C2orf76: variants seen among roughly 807,000 people sequenced by gnomAD.
C2orf76 encodes chromosome 2 open reading frame 76.
C2orf76 carries 23 observed loss-of-function variants against 16.9 expected under a neutral mutation model. The observed-to-expected ratio is 1.36, with a 90% confidence interval of 0.98 to 1.93. The LOEUF (loss-of-function observed/expected upper bound fraction) is 1.93. Ranked by LOEUF, C2orf76 falls within the 30% of genes most tolerant of loss-of-function variation. The pLI, the probability that C2orf76 is intolerant of heterozygous loss-of-function variation, is 0.00. For missense variants in C2orf76, 152 were observed against 152.6 expected, an observed-to-expected ratio of 1.00 and a Z score of 0.02; for synonymous variants, 48 against 52.3, an observed-to-expected ratio of 0.92 and a Z score of 0.35.
At chr2:119,300,237 T>G (rs900205381), downstream of C2orf76, among the ~76,000 whole-genome samples, 1 of 152,172 alleles carries the variant, frequency 6.6e-6, no homozygotes, top group Non-Finnish European at 1.5e-5. Context: ...CACACCATAT[T>G]TGCCACGGAA....
the C2orf76 span, among the ~76,000 whole-genome samples, chr2:119,288,565 C>G: frequency 3.9e-5 from 6 of 151,998 alleles, no homozygotes; most frequent in Admixed American, 3.9e-4. Context: ...AACATAAACT[C>G]ATGAAGACAA....
At chr2:119,288,601 G>A in the C2orf76 span, among the ~76,000 whole-genome samples, 1 of 152,156 alleles carries the variant, frequency 6.6e-6, no homozygotes, top group Non-Finnish European at 1.5e-5. Flanking sequence ...GGACATCGAG[G>A]ACAAGAGAGT....
At chr2:119,301,706 A>G (rs958959241), downstream of C2orf76, among the ~76,000 whole-genome samples, 7 of 152,152 alleles carry the variant, frequency 4.6e-5, no homozygotes, top group Non-Finnish European at 8.8e-5. Context: ...AACCACAAGT[A>G]TTATATTATT....
chr2:119,338,958 G>A (rs1679938467), intron 2 of C2orf76: 1 of 152,138 alleles, frequency 6.6e-6, no homozygotes, highest in Non-Finnish European at 1.5e-5. Flanking sequence ...AAGTCAATAT[G>A]GCAGATCAGT....
intron 5 of C2orf76, among the ~76,000 whole-genome samples, chr2:119,304,394 T>C (rs1678712014): frequency 6.6e-6 from 1 of 152,236 alleles, no homozygotes; most frequent in Non-Finnish European, 1.5e-5. Flanking sequence ...GAGAAACTAA[T>C]ATGTTGTGTG....
chr2:119,364,041 GAC>G (rs70947281), intron 1 of C2orf76, among the ~76,000 whole-genome samples: 33 of 123,268 alleles, frequency 2.7e-4, no homozygotes, highest in African/African-American at 4.3e-4. Flanking sequence ...GAGAGAGAGA[GAC>G]AGACAGACAG....
chr2:119,311,825 C>A, intron 4 of C2orf76, 122 bp from the exon 5 acceptor site: 1 of 923,360 alleles, frequency 1.1e-6, no homozygotes, highest in South Asian at 1.7e-5. Flanking sequence ...ATTCCACTGC[C>A]CTGGCCGTAA....
chr2:119,285,003 T>C, the C2orf76 span, among the ~76,000 whole-genome samples: 1 of 152,182 alleles, frequency 6.6e-6, no homozygotes, highest in South Asian at 2.1e-4. Flanking sequence ...TGTTCCAGGA[T>C]TGTGGCGGAG....
chr2:119,283,886 AAACTGG>A, the C2orf76 span, among the ~76,000 whole-genome samples: 2 of 152,222 alleles, frequency 1.3e-5, no homozygotes, highest in African/African-American at 4.8e-5. Context: ...TGAATCTTGG[AAACTGG>A]AAAGTCCAGT....
intron 1 of C2orf76, among the ~76,000 whole-genome samples, chr2:119,340,755 TACACAC>T (rs60777590): frequency 0.082 from 11,494 of 140,192 alleles, 522 homozygotes; most frequent in East Asian, 0.12. Flanking sequence ...TGCTTTCTAA[TACACAC>T]ACACACACAC....
chr2:119,316,353 C>A (rs1191935120), intron 4 of C2orf76, among the ~76,000 whole-genome samples: 1 of 152,134 alleles, frequency 6.6e-6, no homozygotes, highest in Non-Finnish European at 1.5e-5. Context: ...ATATACAATC[C>A]TTGGTATAAA....
At chr2:119,294,782 G>A in the C2orf76 span, among the ~76,000 whole-genome samples, 1 of 152,136 alleles carries the variant, frequency 6.6e-6, no homozygotes, top group African/African-American at 2.4e-5. Context: ...GTCAGCACTC[G>A]CCCTCCACCC....
At chr2:119,287,216 T>C in the C2orf76 span, among the ~76,000 whole-genome samples, 1 of 152,218 alleles carries the variant, frequency 6.6e-6, no homozygotes, top group South Asian at 2.1e-4. Flanking sequence ...CTGGCTGTTT[T>C]ATGCCTGGCT....
the C2orf76 span, among the ~76,000 whole-genome samples, chr2:119,284,694 T>TTTC: frequency 5.3e-5 from 8 of 151,796 alleles, no homozygotes; most frequent in African/African-American, 1.7e-4. Flanking sequence ...TTTTTTTTTT[T>TTTC]TGCAACCTAA....
chr2:119,308,867 C>G (rs1460140881), intron 5 of C2orf76, among the ~76,000 whole-genome samples: 2 of 152,112 alleles, frequency 1.3e-5, no homozygotes, highest in Non-Finnish European at 2.9e-5. Context: ...TTGGTCAAAC[C>G]GACCCACAGA....
At chr2:119,342,905 G>C (rs995771339) in intron 1 of C2orf76, among the ~76,000 whole-genome samples, 8 of 152,042 alleles carry the variant, frequency 5.3e-5, no homozygotes, top group African/African-American at 1.9e-4. Context: ...GAGTAGCTGG[G>C]ACTACAGGTA....
downstream of C2orf76, among the ~76,000 whole-genome samples, chr2:119,298,378 C>A (rs115412763): frequency 7.8e-3 from 1,183 of 152,036 alleles, 14 homozygotes; most frequent in African/African-American, 0.027. Context: ...CAAATACTAC[C>A]TTTATTAGCT....
intron 2 of C2orf76, among the ~76,000 whole-genome samples, chr2:119,327,047 T>C (rs1255604557): frequency 6.6e-6 from 1 of 152,232 alleles, no homozygotes; most frequent in Non-Finnish European, 1.5e-5. Context: ...TGCCTGTTAC[T>C]TCATTTTCTT....
chr2:119,285,729 AT>A, the C2orf76 span, among the ~76,000 whole-genome samples: 1 of 152,226 alleles, frequency 6.6e-6, no homozygotes, highest in Non-Finnish European at 1.5e-5. Flanking sequence ...TGGTATCTGA[AT>A]TTCTTAATAT....
Sources: allele counts gnomAD v4.1 joint callset (sites outside exome capture counted in the v4.1 genomes callset), GRCh38; gene constraint gnomAD v4.1.1; transcripts MANE v1.5; gene names NCBI Gene and HGNC (gene_info 2026-07-23, HGNC 2026-07-21).